The following DMC1 variants were observed in gnomAD, a reference collection of about 807,000 sequenced individuals.
DMC1 encodes the protein DNA meiotic recombinase 1.
Under a neutral mutation model 50.1 loss-of-function variants are expected in DMC1, and 27 were observed. That is an observed-to-expected ratio of 0.54 (90% CI 0.40 to 0.74). DMC1 has a LOEUF of 0.74. DMC1 is among the 30% of genes least tolerant of loss of function. The probability of loss-of-function intolerance (pLI) is 0.00; values close to 1 mark genes in which losing one functional copy is unlikely to be tolerated. For synonymous variants in DMC1, 148 were observed against 136.1 expected, an observed-to-expected ratio of 1.09 and a Z score of -0.61; for missense variants, 295 against 420.2, an observed-to-expected ratio of 0.70 and a Z score of 2.60.
chr22:38,539,310 G>C lies in DMC1; in HGVS notation c.586+11C>G, dbSNP rs770970280. 11 of 1,603,386 alleles carry C rather than the reference G, an allele frequency of 6.9e-6. No homozygotes were observed. The highest frequency in any genetic ancestry group is 9.4e-6 in the Non-Finnish European group (11 of 1,170,408). On this transcript the variant is annotated intron_variant, in intron 9 of 13. Transcript: ENST00000216024. The stretch of plus-strand genomic sequence containing the variant: ...CATTGACCCAAGCATCCAACTGCAT[G>C]GGGCTCTTACTAGTATATGCACGTG...
the DMC1 span, among the ~76,000 whole-genome samples, chr22:38,510,509 A>G: frequency 6.6e-6 from 1 of 152,114 alleles, no homozygotes; most frequent in Non-Finnish European, 1.5e-5. Flanking sequence ...ACAAGAGACA[A>G]TGTGGAGAGA....
rs570800471 is a variant in DMC1 at position 38,527,503 on chromosome 22, C to A, written c.837-5779G>T. ...TACAGGTGTGAGCCACTGCACTGGA[C>A]CTCCTTTTTCTCCTTTTTTTTTTTT... On this transcript the variant is annotated intron_variant, in intron 12 of 13. Transcript: ENST00000216024. Among the ~76,000 whole-genome samples, 6 of 151,270 alleles carry A rather than the reference C, an allele frequency of 4.0e-5. No homozygotes were observed. The South Asian group carries it at 1.3e-3, about 32-fold the overall frequency.
chr22:38,518,314 C>T (rs1416876156), downstream of DMC1, among the ~76,000 whole-genome samples: 1 of 152,160 alleles, frequency 6.6e-6, no homozygotes, highest in Non-Finnish European at 1.5e-5. Flanking sequence ...GATTACACTG[C>T]TTATGAATTA....
intron 12 of DMC1, among the ~76,000 whole-genome samples, chr22:38,535,607 C>A (rs1014728062): frequency 2.1e-5 from 3 of 143,570 alleles, no homozygotes; most frequent in South Asian, 2.2e-4. Flanking sequence ...TTAAAAAAAT[C>A]TTTTTTTTTT....
At chr22:38,537,541 C>A in intron 12 of DMC1, 51 bp downstream of exon 12, 1 of 1,519,024 alleles carries the variant, frequency 6.6e-7, no homozygotes, top group East Asian at 2.3e-5. Context: ...TACGCTCTAA[C>A]CCTCTTTATA....
At chr22:38,559,432 G>A (rs771125020) in intron 5 of DMC1, among the ~76,000 whole-genome samples, 81 of 151,930 alleles carry the variant, frequency 5.3e-4, no homozygotes, top group Non-Finnish European at 1.0e-3. Context: ...GCCTCCCGAA[G>A]TGCTGTGATT....
intron 12 of DMC1, among the ~76,000 whole-genome samples, chr22:38,525,934 G>C (rs1234077244): frequency 6.6e-6 from 1 of 151,640 alleles, no homozygotes; most frequent in Non-Finnish European, 1.5e-5. Flanking sequence ...GGGTGACAGA[G>C]CAAGACCTTG....
chr22:38,537,087 G>C (rs2090222171), intron 12 of DMC1, among the ~76,000 whole-genome samples: 1 of 152,050 alleles, frequency 6.6e-6, no homozygotes, highest in Non-Finnish European at 1.5e-5. Context: ...CCTGACCTCA[G>C]GTGATCCAAC....
At chr22:38,549,819 C>G (rs761257735) in intron 8 of DMC1, 106 bp downstream of exon 8, 6 of 833,578 alleles carry the variant, frequency 7.2e-6, no homozygotes, top group Non-Finnish European at 1.2e-5. Flanking sequence ...CTCATTACTA[C>G]TGGTTTATGG....
At chr22:38,541,257 TC>T (rs796564318) in intron 8 of DMC1, among the ~76,000 whole-genome samples, 2 of 152,274 alleles carry the variant, frequency 1.3e-5, no homozygotes, top group African/African-American at 4.8e-5. Context: ...TAGTTATAGA[TC>T]AAAAGAAGTT....
chr22:38,543,308 C>A (rs1405686938), intron 8 of DMC1, among the ~76,000 whole-genome samples: 1 of 151,340 alleles, frequency 6.6e-6, no homozygotes, highest in African/African-American at 2.4e-5. Flanking sequence ...CGGCTCACTG[C>A]AAGCTCCACC....
chr22:38,515,846 A>G (rs1259840275), downstream of DMC1, among the ~76,000 whole-genome samples: 2 of 152,092 alleles, frequency 1.3e-5, no homozygotes, highest in African/African-American at 2.4e-5. Context: ...GCTTTACTCT[A>G]TGGACTCACC....
chr22:38,543,305 C>G (rs1396101911), intron 8 of DMC1, among the ~76,000 whole-genome samples: 2 of 151,434 alleles, frequency 1.3e-5, no homozygotes, highest in Non-Finnish European at 2.9e-5. Context: ...TCTCGGCTCA[C>G]TGCAAGCTCC....
intron 12 of DMC1, among the ~76,000 whole-genome samples, chr22:38,535,961 A>C (rs1313388863): frequency 6.6e-6 from 1 of 150,510 alleles, no homozygotes. Context: ...GGGCTCACAC[A>C]TGTAATCCTA....
chr22:38,531,998 G>A (rs1209168373), intron 12 of DMC1, among the ~76,000 whole-genome samples: 1 of 152,054 alleles, frequency 6.6e-6, no homozygotes, highest in East Asian at 1.9e-4. Flanking sequence ...TAGAGTGACA[G>A]TTTTGGCCTC....
At chr22:38,539,233 A>C in intron 9 of DMC1, 88 bp downstream of exon 9, 1 of 945,874 alleles carries the variant, frequency 1.1e-6, no homozygotes, top group Non-Finnish European at 1.7e-6. Context: ...AATAGAAAAA[A>C]AGTATCAAAA....
intron 12 of DMC1, among the ~76,000 whole-genome samples, 182 bp downstream of exon 12, chr22:38,537,410 C>T (rs1236915767): frequency 6.6e-6 from 1 of 152,050 alleles, no homozygotes; most frequent in East Asian, 1.9e-4. Flanking sequence ...GACGGGGTTT[C>T]ACTATGTTAG....
At chr22:38,526,667 T>C (rs113717847) in intron 12 of DMC1, among the ~76,000 whole-genome samples, 1 of 149,098 alleles carries the variant, frequency 6.7e-6, no homozygotes, top group Non-Finnish European at 1.5e-5. Context: ...ACATGGGTAT[T>C]AATAATAATA....
the DMC1 span, among the ~76,000 whole-genome samples, chr22:38,512,226 C>T: frequency 2.0e-5 from 3 of 152,146 alleles, no homozygotes; most frequent in Non-Finnish European, 2.9e-5. Context: ...CCACCTGCCT[C>T]AACCTCCCTA....
Sources: gnomAD v4.1 joint callset for allele counts (sites outside exome capture counted in the v4.1 genomes callset) on GRCh38, gnomAD v4.1.1 for gene constraint, MANE v1.5 for transcripts, NCBI Gene and HGNC (gene_info 2026-07-23, HGNC 2026-07-21) for gene names.